Variants in ANKRD29 observed in about 807,000 individuals in gnomAD.
ANKRD29 encodes the protein ankyrin repeat domain-containing protein 29.
ANKRD29 carries 32 observed loss-of-function variants against 38.0 expected under a neutral mutation model. That is an observed-to-expected ratio of 0.84 (90% CI 0.64 to 1.13). The LOEUF is 1.13. Ranked by LOEUF, ANKRD29 falls within the 50% of genes most tolerant of loss-of-function variation. The probability of loss-of-function intolerance (pLI) is 0.00; values close to 1 mark genes in which losing one functional copy is unlikely to be tolerated. For synonymous variants in ANKRD29, 135 were observed against 152.4 expected (o/e 0.89, Z 0.84); for missense variants, 357 against 377.9 (o/e 0.94, Z 0.46).
intron 9 of ANKRD29, among the ~76,000 whole-genome samples, chr18:23,602,145 T>C (rs1400406895): frequency 6.6e-6 from 1 of 152,014 alleles, no homozygotes; most frequent in African/African-American, 2.4e-5. Context: ...CAAGCAATTC[T>C]CCTGCCTCAG....
At position 23,599,681 on chromosome 18, in the gene ANKRD29, A is replaced by G. The variant is rs1336618296; in HGVS notation, c.*1545T>C. 1 of 152,204 alleles carries G rather than the reference A, an allele frequency of 6.6e-6. No individual in the cohort carries two copies. 9.4% of individuals were successfully genotyped at this position (152,204 alleles called of 1,614,324 possible). On this transcript the variant is annotated 3_prime_UTR_variant, in exon 10 of 10. Coordinates refer to ENST00000592179, the MANE Select transcript of ANKRD29 (RefSeq NM_173505.4). ...TGTTTTAGCAACAGAGAGCTTTCTAATATTTTATCCTAGAATCAGGTTGCA... is the reference window on the plus strand; with the variant it reads ...TGTTTTAGCAACAGAGAGCTTTCTAGTATTTTATCCTAGAATCAGGTTGCA...
intron 1 of ANKRD29, among the ~76,000 whole-genome samples, chr18:23,656,750 T>C (rs928411224): frequency 3.9e-5 from 6 of 152,234 alleles, no homozygotes; most frequent in Admixed American, 6.5e-5. Context: ...TCTTTTATTA[T>C]TGTGGCCGTG....
chr18:23,616,632 T>TATTTA (rs2059726163), intron 8 of ANKRD29, among the ~76,000 whole-genome samples: 1 of 142,332 alleles, frequency 7.0e-6, no homozygotes, highest in South Asian at 2.3e-4. Context: ...GTAAATACAT[T>TATTTA]CTGTAGTATA....
At chr18:23,639,663 G>A (rs1018914998) in intron 3 of ANKRD29, among the ~76,000 whole-genome samples, 27 of 151,648 alleles carry the variant, frequency 1.8e-4, no homozygotes, top group Non-Finnish European at 3.4e-4. Context: ...AGCCTCCCAA[G>A]TAGCTGGGAT....
intron 4 of ANKRD29, among the ~76,000 whole-genome samples, chr18:23,637,449 G>A (rs146554385): frequency 1.7e-3 from 264 of 152,268 alleles, no homozygotes; most frequent in African/African-American, 5.9e-3. Context: ...CCAGGCTGGA[G>A]TGCAGTGGCA....
At chr18:23,607,589 AT>A (rs1405441117) in intron 9 of ANKRD29, among the ~76,000 whole-genome samples, 2 of 152,134 alleles carry the variant, frequency 1.3e-5, no homozygotes, top group Non-Finnish European at 2.9e-5. Context: ...CTTTCAAATC[AT>A]GTTGTCAAGT....
chr18:23,660,561 C>T (rs907105170), intron 1 of ANKRD29, among the ~76,000 whole-genome samples: 3 of 152,170 alleles, frequency 2.0e-5, no homozygotes, highest in African/African-American at 7.2e-5. Flanking sequence ...AATCCCAGCA[C>T]TTTGGGAGGC....
intron 6 of ANKRD29, among the ~76,000 whole-genome samples, chr18:23,622,415 C>T (rs1287948329): frequency 6.6e-6 from 1 of 152,162 alleles, no homozygotes; most frequent in African/African-American, 2.4e-5. Context: ...GTCACTCTCT[C>T]CACCAGAGGG....
intron 2 of ANKRD29, chr18:23,648,836 T>C (rs759690139): frequency 2.5e-5 from 11 of 435,806 alleles, no homozygotes; most frequent in African/African-American, 2.0e-4. Context: ...TGATTCCCAG[T>C]GAAGTGCCTC....
chr18:23,623,754 T>G (rs966689138), intron 6 of ANKRD29, among the ~76,000 whole-genome samples: 3 of 152,030 alleles, frequency 2.0e-5, no homozygotes, highest in African/African-American at 7.2e-5. Flanking sequence ...GCCATTCTCC[T>G]GCCTCAGCCT....
chr18:23,643,539 T>C (rs1281372655), intron 3 of ANKRD29, among the ~76,000 whole-genome samples: 2 of 152,226 alleles, frequency 1.3e-5, no homozygotes, highest in Admixed American at 1.3e-4. Flanking sequence ...TTAGAGCAGT[T>C]TGAGCTGATT....
chr18:23,639,046 A>G, intron 3 of ANKRD29, 99 bp from the exon 4 acceptor site: 5 of 933,286 alleles, frequency 5.4e-6, no homozygotes, highest in Non-Finnish European at 6.3e-6. Context: ...TTGCATAGAA[A>G]ACTTCTAGCC....
chr18:23,661,873 T>C (rs2060366914), intron 1 of ANKRD29, among the ~76,000 whole-genome samples: 1 of 152,314 alleles, frequency 6.6e-6, no homozygotes, highest in African/African-American at 2.4e-5. Context: ...CATCTCGCCA[T>C]GTCACTCCTC....
chr18:23,646,275 G>C lies in ANKRD29; in HGVS notation c.145C>G (p.Leu49Val). 6.2e-7 allele frequency: 1 copy of C among 1,613,938 alleles called. No individual in the cohort carries two copies. The change falls in exon 3 of 10, where the codon CTC becomes GTC. Residue 49 changes from leucine (L) to valine (V), a missense_variant. Transcript: ENST00000592179. ...CCAGCGTAGGCAGCAACCATCAGGA[G>C]TGTGGTGCCATGCTGGATGGAGGAG... ...VDCRDSHGTT[L>V]LMVAAYAGHI...
intron 8 of ANKRD29, among the ~76,000 whole-genome samples, chr18:23,615,871 C>CTATAGTATATATAGTATATATTTATATTA (rs2059703687): frequency 6.8e-6 from 1 of 147,468 alleles, no homozygotes; most frequent in Non-Finnish European, 1.5e-5. Flanking sequence ...AATATTTACT[C>CTATAGTATATATAGTATATATTTATATTA]TATAGTATAT....
chr18:23,635,078 G>A (rs1210403870), intron 4 of ANKRD29, among the ~76,000 whole-genome samples: 2 of 152,042 alleles, frequency 1.3e-5, no homozygotes, highest in Non-Finnish European at 1.5e-5. Context: ...CTCTTTAAAA[G>A]TGTGGCCCTA....
intron 3 of ANKRD29, among the ~76,000 whole-genome samples, chr18:23,645,842 T>A (rs2060131902): frequency 1.3e-5 from 2 of 152,170 alleles, no homozygotes; most frequent in South Asian, 4.1e-4. Flanking sequence ...GACTCAACTC[T>A]TCTAAAAATA....
In ANKRD29 at chr18:23,600,538, C is replaced by A. The variant is rs149421230; in HGVS notation, c.*688G>T. On this transcript the variant is annotated 3_prime_UTR_variant, in exon 10 of 10. Transcript: ENST00000592179. The stretch of plus-strand genomic sequence containing the variant: ...TAACCTACCTACAATGTTGACTCTA[C>A]GTAAAATTGATTTTTACATGTCAGG... 6.6e-6 allele frequency: 1 copy of A among 152,556 alleles called. No homozygotes were observed. Among genetic ancestry groups the A allele is most frequent in the Admixed American group, 6.5e-5 (1 of 15,280 alleles). The allele number at this position is 152,556 out of a possible 1,614,324, so 9.5% of individuals were successfully genotyped here. A position where few individuals can be genotyped will look rare whatever the true frequency, so the allele number is the denominator to read the frequency against.
chr18:23,616,108 A>G (rs1345963265), intron 8 of ANKRD29, among the ~76,000 whole-genome samples: 1 of 130,972 alleles, frequency 7.6e-6, no homozygotes, highest in Admixed American at 7.3e-5. Flanking sequence ...GTATGTATGC[A>G]TACTCTACAC....
Sources: allele counts gnomAD v4.1 joint callset (sites outside exome capture counted in the v4.1 genomes callset), GRCh38; gene constraint gnomAD v4.1.1; transcripts MANE v1.5; gene names NCBI Gene and HGNC (gene_info 2026-07-23, HGNC 2026-07-21).